The following HMGCLL1 variants were observed in gnomAD, a reference collection of about 807,000 sequenced individuals.
HMGCLL1 encodes the protein 3-hydroxy-3-methylglutaryl-CoA lyase like 1, also known as 3-hydroxymethyl-3-methylglutaryl-CoA lyase, cytoplasmic.
In HMGCLL1, 36 loss-of-function variants were observed where a neutral mutation model predicts 39.1. That is an observed-to-expected ratio of 0.92 (90% CI 0.71 to 1.22). HMGCLL1 has a LOEUF of 1.22. Among genes scored for constraint, HMGCLL1 ranks in the 50% most tolerant of loss-of-function variants. The probability of loss-of-function intolerance (pLI) is 0.00; values close to 1 mark genes in which losing one functional copy is unlikely to be tolerated. For synonymous variants in HMGCLL1, 149 were observed against 144.0 expected, an observed-to-expected ratio of 1.03 and a Z score of -0.25; for missense variants, 451 against 416.5, an observed-to-expected ratio of 1.08 and a Z score of -0.72.
intron 7 of HMGCLL1, among the ~76,000 whole-genome samples, chr6:55,466,377 T>C (rs1260538518): frequency 6.6e-6 from 1 of 152,082 alleles, no homozygotes; most frequent in Admixed American, 6.6e-5. Context: ...TTCTTTGAGC[T>C]AATTTGAGAA....
the HMGCLL1 span, among the ~76,000 whole-genome samples, chr6:55,606,388 G>T: frequency 6.6e-6 from 1 of 151,926 alleles, no homozygotes; most frequent in African/African-American, 2.4e-5. Context: ...CAGACTTTTA[G>T]AAAAAAATAC....
At chr6:55,561,898 A>C (rs1001089393) in intron 1 of HMGCLL1, among the ~76,000 whole-genome samples, 1 of 152,082 alleles carries the variant, frequency 6.6e-6, no homozygotes, top group Non-Finnish European at 1.5e-5. Flanking sequence ...AGGTCTTCTC[A>C]GCATACGATA....
At chr6:55,655,466 T>A in the HMGCLL1 span, among the ~76,000 whole-genome samples, 3 of 151,854 alleles carry the variant, frequency 2.0e-5, no homozygotes, top group African/African-American at 7.2e-5. Context: ...CGTTTAAATA[T>A]GTTGCAGTGT....
At chr6:55,649,515 A>T in the HMGCLL1 span, among the ~76,000 whole-genome samples, 1 of 150,336 alleles carries the variant, frequency 6.7e-6, no homozygotes, top group Non-Finnish European at 1.5e-5. Context: ...TTTCTTTATC[A>T]TTCTTGGCCG....
At chr6:55,616,867 A>G in the HMGCLL1 span, among the ~76,000 whole-genome samples, 1 of 151,998 alleles carries the variant, frequency 6.6e-6, no homozygotes, top group Non-Finnish European at 1.5e-5. Flanking sequence ...ATAACAAAAA[A>G]ATTAGATTAT....
the HMGCLL1 span, among the ~76,000 whole-genome samples, chr6:55,646,350 CATTA>C: frequency 6.6e-6 from 1 of 151,400 alleles, no homozygotes; most frequent in African/African-American, 2.4e-5. Flanking sequence ...CTTTTTATTT[CATTA>C]ATCTTTTATA....
chr6:55,500,166 T>TG (rs1479733425), intron 5 of HMGCLL1, among the ~76,000 whole-genome samples: 1 of 151,896 alleles, frequency 6.6e-6, no homozygotes, highest in Non-Finnish European at 1.5e-5. Flanking sequence ...AGATCGAATA[T>TG]GGGGGTCACA....
intron 6 of HMGCLL1, 132 bp from the exon 7 acceptor site, chr6:55,495,739 G>T: frequency 1.9e-6 from 1 of 525,470 alleles, no homozygotes; most frequent in Non-Finnish European, 3.2e-6. Context: ...AATATATAAT[G>T]TATTTTCTGG....
the HMGCLL1 span, among the ~76,000 whole-genome samples, chr6:55,626,888 G>A: frequency 2.6e-5 from 4 of 151,834 alleles, no homozygotes; most frequent in Admixed American, 2.6e-4. Context: ...CTCAATGTAG[G>A]TAAGGAAGAG....
intron 7 of HMGCLL1, among the ~76,000 whole-genome samples, chr6:55,447,017 GAATAA>G (rs1203196048): frequency 1.3e-5 from 2 of 151,786 alleles, no homozygotes; most frequent in African/African-American, 4.8e-5. Flanking sequence ...TATTCATATA[GAATAA>G]AATATCAAAA....
At chr6:55,456,666 A>G (rs1764335394) in intron 7 of HMGCLL1, among the ~76,000 whole-genome samples, 2 of 152,158 alleles carry the variant, frequency 1.3e-5, no homozygotes, top group Non-Finnish European at 2.9e-5. Context: ...TGGTATCTCA[A>G]GTAGAGCCCA....
chr6:55,530,909 T>C (rs956471677), intron 3 of HMGCLL1, among the ~76,000 whole-genome samples: 22 of 152,168 alleles, frequency 1.4e-4, no homozygotes, highest in African/African-American at 2.9e-4. Flanking sequence ...CCAAAACGTA[T>C]GTCTTTAAAA....
Position 55,578,518 on chromosome 6 carries a change from T to G in HMGCLL1, c.108+430A>C, listed in dbSNP as rs1771864039. 1.3e-5 allele frequency among the ~76,000 whole-genome samples: 2 copies of G among 152,186 alleles called. 1 individual carries two copies. Among genetic ancestry groups the G allele is most frequent in the South Asian group, 4.1e-4 (2 of 4,828 alleles). On this transcript the variant is annotated intron_variant, in intron 1 of 8. Coordinates refer to ENST00000274901, the MANE Select transcript of HMGCLL1 (RefSeq NM_001042406.2). Reference sequence around the variant, plus strand: ...TCATCCTACTATGTCTTCTTAACCTTCTACCGGTTTCATTCCTTTTTCTGC... The same window carrying G: ...TCATCCTACTATGTCTTCTTAACCTGCTACCGGTTTCATTCCTTTTTCTGC...
intron 7 of HMGCLL1, among the ~76,000 whole-genome samples, chr6:55,445,854 G>C (rs940976992): frequency 6.6e-6 from 1 of 152,082 alleles, no homozygotes; most frequent in African/African-American, 2.4e-5. Flanking sequence ...CCAGGTTAAA[G>C]TCAAACATTT....
At chr6:55,469,160 A>G (rs1010887116) in intron 7 of HMGCLL1, among the ~76,000 whole-genome samples, 7 of 148,210 alleles carry the variant, frequency 4.7e-5, no homozygotes, top group African/African-American at 1.5e-4. Context: ...AAAAAAAAAA[A>G]GAAAAAAAGA....
chr6:55,611,455 C>G, the HMGCLL1 span, among the ~76,000 whole-genome samples: 1 of 152,164 alleles, frequency 6.6e-6, no homozygotes, highest in Non-Finnish European at 1.5e-5. Context: ...TCCTCCCTAA[C>G]TCATTTTATG....
At chr6:55,505,609 GATTTT>G (rs1321651319) in intron 5 of HMGCLL1, among the ~76,000 whole-genome samples, 1 of 151,484 alleles carries the variant, frequency 6.6e-6, no homozygotes, top group East Asian at 1.9e-4. Context: ...ATACTTGACT[GATTTT>G]ATTTCTCCTA....
chr6:55,528,260 A>G (rs1768428899), intron 3 of HMGCLL1, among the ~76,000 whole-genome samples: 1 of 152,056 alleles, frequency 6.6e-6, no homozygotes, highest in African/African-American at 2.4e-5. Flanking sequence ...AAAGAGACAT[A>G]GAGCATGCAA....
At chr6:55,528,901 A>G (rs934137092) in intron 3 of HMGCLL1, among the ~76,000 whole-genome samples, 18 of 152,060 alleles carry the variant, frequency 1.2e-4, no homozygotes, top group Admixed American at 3.3e-4. Flanking sequence ...AAATGCAGGC[A>G]AGACATTTGA....
Sources: allele counts gnomAD v4.1 joint callset (sites outside exome capture counted in the v4.1 genomes callset), GRCh38; gene constraint gnomAD v4.1.1; transcripts MANE v1.5; gene names NCBI Gene and HGNC (gene_info 2026-07-23, HGNC 2026-07-21).